DENND2C: variants seen among roughly 807,000 people sequenced by gnomAD.
DENND2C encodes the protein DENN domain-containing protein 2C.
A neutral mutation model predicts 112.4 loss-of-function variants in DENND2C; 72 were observed. That is an observed-to-expected ratio of 0.64 (90% CI 0.53 to 0.78). DENND2C has a LOEUF of 0.78. Ranked by LOEUF, DENND2C falls within the 30% of genes least tolerant of loss-of-function variation. The pLI is 0.00. For missense variants in DENND2C, 992 were observed against 1,113.8 expected (o/e 0.89, Z 1.56); for synonymous variants, 329 against 381.6 (o/e 0.86, Z 1.61).
intron 2 of DENND2C, among the ~76,000 whole-genome samples, chr1:114,646,072 G>A (rs762147287): frequency 3.3e-5 from 5 of 151,760 alleles, no homozygotes; most frequent in Non-Finnish European, 4.4e-5. Context: ...GACTACAGGC[G>A]CCCGCCACCA....
In DENND2C at chr1:114,585,257, A is replaced by C. The variant is rs548944644; in HGVS notation, c.*343T>G. 3.7e-5 allele frequency: 10 copies of C among 267,508 alleles called. No homozygotes were observed. The highest frequency in any genetic ancestry group is 6.5e-5 in the Non-Finnish European group (9 of 139,444). The allele number at this position is 267,508 out of a possible 1,614,324, so 16.6% of individuals were successfully genotyped here. A position where few individuals can be genotyped will look rare whatever the true frequency, so the allele number is the denominator to read the frequency against. Reference sequence around the variant, plus strand: ...CTCTCATTATTCTCATCTTTGAGCTATTTTTTAAATGTAACAACAACAAGG... The same window carrying C: ...CTCTCATTATTCTCATCTTTGAGCTCTTTTTTAAATGTAACAACAACAAGG... On this transcript the variant is annotated 3_prime_UTR_variant, in exon 21 of 21. Coordinates refer to ENST00000393274, the MANE Select transcript of DENND2C (RefSeq NM_001256404.2).
intron 8 of DENND2C, among the ~76,000 whole-genome samples, chr1:114,615,750 T>C (rs1655947249): frequency 6.6e-6 from 1 of 152,198 alleles, no homozygotes; most frequent in Non-Finnish European, 1.5e-5. Flanking sequence ...GTTGTTAGAA[T>C]ATAAAATAGG....
At chr1:114,611,240 T>C (rs1655807920) in intron 8 of DENND2C, 123 bp from the exon 9 acceptor site, 1 of 1,058,182 alleles carries the variant, frequency 9.5e-7, no homozygotes. Flanking sequence ...TGCTGAGCCT[T>C]TCTCCAAACC....
At chr1:114,607,384 CTTA>C (rs1403319264) in intron 10 of DENND2C, among the ~76,000 whole-genome samples, 2 of 152,198 alleles carry the variant, frequency 1.3e-5, no homozygotes, top group Non-Finnish European at 2.9e-5. Context: ...AGTCCTGCTC[CTTA>C]TTAAGCTTCA....
At chr1:114,655,657 T>A (rs952685443) in intron 1 of DENND2C, among the ~76,000 whole-genome samples, 3 of 151,898 alleles carry the variant, frequency 2.0e-5, no homozygotes, top group Non-Finnish European at 4.4e-5. Context: ...CTAATCTTTG[T>A]ATTTTCAGGA....
At chr1:114,665,033 G>T (rs1399732740) in intron 1 of DENND2C, among the ~76,000 whole-genome samples, 6 of 151,950 alleles carry the variant, frequency 3.9e-5, no homozygotes, top group Non-Finnish European at 7.4e-5. Context: ...GGCAGAGGTT[G>T]CAGTGAGCTG....
intron 18 of DENND2C, among the ~76,000 whole-genome samples, chr1:114,590,953 A>C (rs1655172805): frequency 2.6e-5 from 4 of 151,668 alleles, no homozygotes; most frequent in Admixed American, 2.6e-4. Context: ...TCTTACCAAC[A>C]CTTGATATTG....
Position 114,625,210 on chromosome 1 carries a change from A to G in DENND2C, c.775T>C (p.Tyr259His). 1 of 1,609,764 alleles carries G rather than the reference A, an allele frequency of 6.2e-7. No individual in the cohort carries two copies. The highest frequency in any genetic ancestry group is 1.3e-5 in the African/African-American group (1 of 74,494). ...ASSQEPEPKK[Y>H]GGKIRGRSKR... The stretch of plus-strand genomic sequence containing the variant: ...GATCTTCCTCTGATTTTTCCACCAT[A>G]TTTCTTTGGTTCAGGTTCCTGAGAA... The change falls in exon 4 of 21, where the codon TAT (tyrosine) becomes CAT (histidine). Residue 259 changes from tyrosine to histidine, a missense_variant. Transcript: ENST00000393274.
At position 114,621,635 on chromosome 1, in the gene DENND2C, C is replaced by T. The variant is rs368609103; in HGVS notation, c.1227+260G>A. Among the ~76,000 whole-genome samples the T allele has an allele frequency of 2.5e-4, 38 of 152,222 alleles. No individual in the cohort carries two copies. The South Asian group carries it at 3.3e-3, about 13-fold the overall frequency. ...CTGGTGCTTCCTTGAAATAGGCAGA[C>T]GATTTTAATGAGAGCTAAGGTAACT... is the stretch of plus-strand genomic sequence containing the variant. On this transcript the variant is annotated intron_variant, in intron 7 of 20. Coordinates refer to ENST00000393274, the MANE Select transcript of DENND2C (RefSeq NM_001256404.2).
chr1:114,610,050 A>G (rs1655768390), intron 9 of DENND2C, among the ~76,000 whole-genome samples: 1 of 152,212 alleles, frequency 6.6e-6, no homozygotes, highest in African/African-American at 2.4e-5. Flanking sequence ...GAGGGAGCAC[A>G]AGACTATTAA....
In DENND2C at chr1:114,608,748, G is replaced by C. The variant is rs1429206039; in HGVS notation, c.1495C>G (p.Leu499Val). The change falls in exon 10 of 21, where the codon CTA becomes GTA. Residue 499 changes from leucine to valine, a missense_variant. Physicochemically the swap from Leu to Val is conservative, Grantham distance 32. Around this residue, in one of 3 missense-constraint regions of DENND2C, gnomAD observed 516 missense variants for 623.6 expected, o/e 0.83. Transcript: ENST00000393274. Reference protein sequence around the residue: ...QLFELFVVVSLQKKPSGISYI... With the variant: ...QLFELFVVVSVQKKPSGISYI... ...CTTATTCCTGATGGTTTCTTCTGTA[G>C]AGACACCACCACAAAAAGTTCAAAC... is the stretch of plus-strand genomic sequence containing the variant. 2 of 1,614,180 alleles carry C rather than the reference G, an allele frequency of 1.2e-6. No individual in the cohort carries two copies. Among genetic ancestry groups the C allele is most frequent in the East Asian group, 2.2e-5 (1 of 44,874 alleles).
intron 1 of DENND2C, among the ~76,000 whole-genome samples, chr1:114,668,254 C>CCT (rs1557965145): frequency 6.6e-6 from 1 of 152,042 alleles, no homozygotes; most frequent in African/African-American, 2.4e-5. Context: ...AAAGACCCAT[C>CCT]CTCCACTGAA....
At chr1:114,599,897 C>G (rs561503448) in intron 15 of DENND2C, among the ~76,000 whole-genome samples, 1 of 146,356 alleles carries the variant, frequency 6.8e-6, no homozygotes, top group African/African-American at 2.5e-5. Flanking sequence ...TGTTCTCACT[C>G]ATAGGTGGGA....
intron 1 of DENND2C, among the ~76,000 whole-genome samples, chr1:114,666,332 A>C (rs1300973525): frequency 6.6e-6 from 1 of 152,132 alleles, no homozygotes; most frequent in East Asian, 1.9e-4. Flanking sequence ...TATCTTTCCT[A>C]AACACCTATA....
At chr1:114,664,096 G>A (rs1657580897) in intron 1 of DENND2C, among the ~76,000 whole-genome samples, 1 of 151,772 alleles carries the variant, frequency 6.6e-6, no homozygotes, top group African/African-American at 2.4e-5. Flanking sequence ...GTGCCACCAT[G>A]CCAGCTAATT....
intron 8 of DENND2C, among the ~76,000 whole-genome samples, chr1:114,612,266 T>TA: frequency 6.6e-6 from 1 of 152,236 alleles, no homozygotes; most frequent in Non-Finnish European, 1.5e-5. Flanking sequence ...TGATGAAGAT[T>TA]ATGGGGAAAG....
intron 1 of DENND2C, among the ~76,000 whole-genome samples, chr1:114,662,953 A>G (rs1657539007): frequency 6.6e-6 from 1 of 152,228 alleles, no homozygotes; most frequent in African/African-American, 2.4e-5. Flanking sequence ...GAGAAAGACC[A>G]AGAAAAGAAA....
chr1:114,600,139 C>A, intron 15 of DENND2C, 65 bp downstream of exon 15: 1 of 1,545,368 alleles, frequency 6.5e-7, no homozygotes, highest in Non-Finnish European at 8.7e-7. Context: ...AAAAAATGCC[C>A]CAATTTTAAA....
At position 114,665,148 on chromosome 1, in the gene DENND2C, A is replaced by G. The variant is rs371340206; in HGVS notation, c.-574+4835T>C. Among the ~76,000 whole-genome samples the G allele has an allele frequency of 1.7e-3, 261 of 152,032 alleles. 2 individuals are homozygous for G. The highest frequency in any genetic ancestry group is 5.9e-3 in the African/African-American group (246 of 41,494). ...GCAGGGGGTGGTGGTGCATGCCTGT[A>G]GTCCTAGTTTCTCAGGAGACTGAAG... On this transcript the variant is annotated intron_variant, in intron 1 of 20. Coordinates refer to ENST00000393274, the MANE Select transcript of DENND2C (RefSeq NM_001256404.2).
Sources: allele counts gnomAD v4.1 joint callset (sites outside exome capture counted in the v4.1 genomes callset), GRCh38; gene constraint gnomAD v4.1.1; regional missense constraint gnomAD v4.1.1; transcripts MANE v1.5; gene names NCBI Gene and HGNC (gene_info 2026-07-23, HGNC 2026-07-21).